PPFIA1: variants seen among roughly 807,000 people sequenced by gnomAD.
PPFIA1 encodes PPFI scaffold protein A1.
PPFIA1 carries 25 observed loss-of-function variants against 149.9 expected under a neutral mutation model. That is an observed-to-expected ratio of 0.17 (90% CI 0.12 to 0.23). The LOEUF is 0.23. PPFIA1 is among the 10% of genes least tolerant of loss of function. The probability of loss-of-function intolerance (pLI) is 1.00; values close to 1 mark genes in which losing one functional copy is unlikely to be tolerated. For missense variants in PPFIA1, 1,362 were observed against 1,506.5 expected, an observed-to-expected ratio of 0.90 and a Z score of 1.59; for synonymous variants, 549 against 552.8, an observed-to-expected ratio of 0.99 and a Z score of 0.10.
intron 2 of PPFIA1, among the ~76,000 whole-genome samples, chr11:70,293,263 C>G (rs2051661752): frequency 6.6e-6 from 1 of 152,180 alleles, no homozygotes; most frequent in Non-Finnish European, 1.5e-5. Flanking sequence ...CAGTTTTTTT[C>G]CCCTTCTTCA....
intron 2 of PPFIA1, among the ~76,000 whole-genome samples, chr11:70,279,902 G>T (rs1051016348): frequency 1.0e-5 from 1 of 98,000 alleles, no homozygotes; most frequent in African/African-American, 7.8e-5. Context: ...GTGTGTGTGG[G>T]GGATGTGTGT....
At chr11:70,288,870 C>T (rs2051328893) in intron 2 of PPFIA1, among the ~76,000 whole-genome samples, 1 of 152,026 alleles carries the variant, frequency 6.6e-6, no homozygotes, top group Non-Finnish European at 1.5e-5. Context: ...TGAAATCATT[C>T]CTCTCAGGAG....
At chr11:70,314,419 ATGTCCT>A (rs1347691216) in intron 2 of PPFIA1, among the ~76,000 whole-genome samples, 1 of 152,184 alleles carries the variant, frequency 6.6e-6, no homozygotes, top group African/African-American at 2.4e-5. Context: ...TATTCTGGTC[ATGTCCT>A]TGGGTTTAGC....
chr11:70,300,083 G>C (rs1377229149), intron 2 of PPFIA1, among the ~76,000 whole-genome samples: 5 of 137,324 alleles, frequency 3.6e-5, no homozygotes, highest in Non-Finnish European at 6.3e-5. Flanking sequence ...CCCTCCATCA[G>C]TGCCAGCCAT....
intron 24 of PPFIA1, 154 bp downstream of exon 24, chr11:70,375,247 T>C (rs2057442863): frequency 3.4e-6 from 1 of 291,668 alleles, no homozygotes; most frequent in Non-Finnish European, 5.8e-6. Context: ...TTTTGGTCTA[T>C]TGGCTTTCCC....
chr11:70,355,604 G>A, intron 17 of PPFIA1, 35 bp from the exon 18 acceptor site: 1 of 1,566,390 alleles, frequency 6.4e-7, no homozygotes, highest in South Asian at 1.2e-5. Flanking sequence ...ATCCTACAAG[G>A]GCACATAGTA....
intron 1 of PPFIA1, chr11:70,271,206 A>G (rs1443643613): frequency 6.6e-6 from 1 of 152,084 alleles, no homozygotes; most frequent in Non-Finnish European, 1.5e-5. Context: ...CCCTGGCCCG[A>G]GCGGGCTCCG....
At position 70,382,031 on chromosome 11, in the gene PPFIA1, T is replaced by A. The variant is rs148097879; in HGVS notation, c.3551-57T>A. 7.0e-4 allele frequency: 1,055 copies of A among 1,505,704 alleles called. 5 individuals are homozygous for A. The African/African-American group carries it at 0.013, about 18-fold the overall frequency. The allele number at this position is 1,505,704 out of a possible 1,614,324, so 93.3% of individuals were successfully genotyped here. On this transcript the variant is annotated intron_variant, in intron 26 of 27. Transcript: ENST00000253925. ...TGTCTACTTGTGCCCTCATGTGATGTTCTAAGACTAACTGCACGCTGTGTT... is the reference window on the plus strand; with the variant it reads ...TGTCTACTTGTGCCCTCATGTGATGATCTAAGACTAACTGCACGCTGTGTT...
In PPFIA1 at chr11:70,378,205, G is replaced by GGGTCA. The variant is rs771893160; in HGVS notation, c.3550+11_3550+15dup. On this transcript the variant is annotated intron_variant, in intron 26 of 27. Transcript: ENST00000253925. ...AAGATGCAGATGGACGGTATGTGAT[G>GGGTCA]GGTCACACTAACCTGTCACTTGTTG... 1.6e-5 allele frequency: 26 copies of GGGTCA among 1,610,830 alleles called. 1 individual carries two copies. In the Middle Eastern group the frequency reaches 9.9e-4, roughly 61 times the overall value.
intron 16 of PPFIA1, among the ~76,000 whole-genome samples, chr11:70,349,135 C>CA (rs749436919): frequency 0.12 from 9,199 of 73,796 alleles, 715 homozygotes; most frequent in African/African-American, 0.29. Flanking sequence ...CATCTACTAC[C>CA]AAAAAAAAAA....
chr11:70,285,615 G>A (rs2051058003), intron 2 of PPFIA1, among the ~76,000 whole-genome samples: 1 of 151,322 alleles, frequency 6.6e-6, no homozygotes, highest in South Asian at 2.1e-4. Context: ...GGGAGGTGGA[G>A]GTTGCAATGA....
chr11:70,325,800 G>A (rs980330457), intron 5 of PPFIA1, among the ~76,000 whole-genome samples: 9 of 151,974 alleles, frequency 5.9e-5, no homozygotes, highest in African/African-American at 2.2e-4. Flanking sequence ...AGGAGTTGTG[G>A]CATGTTCCTT....
At chr11:70,298,812 C>T (rs2052272763) in intron 2 of PPFIA1, among the ~76,000 whole-genome samples, 2 of 152,188 alleles carry the variant, frequency 1.3e-5, no homozygotes. Context: ...AGTGATACTG[C>T]ATAAAGAGAT....
At chr11:70,351,645 A>C (rs374689368) in intron 16 of PPFIA1, among the ~76,000 whole-genome samples, 15 of 152,248 alleles carry the variant, frequency 9.9e-5, no homozygotes, top group African/African-American at 3.1e-4. Context: ...TGAATATCAG[A>C]TTTTTGGGTT....
chr11:70,349,366 A>C (rs1315937569), intron 16 of PPFIA1, among the ~76,000 whole-genome samples: 1 of 152,056 alleles, frequency 6.6e-6, no homozygotes, highest in Non-Finnish European at 1.5e-5. Context: ...ATGGTATTTC[A>C]CGCCTGTAAT....
chr11:70,380,789 A>G (rs1226817255), intron 26 of PPFIA1, among the ~76,000 whole-genome samples: 1 of 151,906 alleles, frequency 6.6e-6, no homozygotes, highest in African/African-American at 2.4e-5. Flanking sequence ...TATAAAGAAG[A>G]CTTTTTACCC....
chr11:70,321,607 A>G (rs1423339587), intron 2 of PPFIA1, among the ~76,000 whole-genome samples: 2 of 152,254 alleles, frequency 1.3e-5, no homozygotes, highest in Non-Finnish European at 2.9e-5. Flanking sequence ...GAGTAAGAAG[A>G]TATGACCCAA....
chr11:70,277,776 C>T (rs769273053), intron 2 of PPFIA1, among the ~76,000 whole-genome samples: 6 of 152,110 alleles, frequency 3.9e-5, no homozygotes, highest in Non-Finnish European at 8.8e-5. Flanking sequence ...AGATGTGAGC[C>T]ACTGCGCCCA....
At chr11:70,303,355 A>G (rs2052617593) in intron 2 of PPFIA1, among the ~76,000 whole-genome samples, 1 of 152,224 alleles carries the variant, frequency 6.6e-6, no homozygotes, top group Non-Finnish European at 1.5e-5. Context: ...TTCCAATTTA[A>G]TAAATGTCAC....
Sources: gnomAD v4.1 joint callset for allele counts (sites outside exome capture counted in the v4.1 genomes callset) on GRCh38, gnomAD v4.1.1 for gene constraint, MANE v1.5 for transcripts, NCBI Gene and HGNC (gene_info 2026-07-23, HGNC 2026-07-21) for gene names.